Variants in TAF2 observed in about 807,000 individuals in gnomAD.
TAF2 encodes the protein TATA-box binding protein associated factor 2, also known as transcription initiation factor TFIID subunit 2.
A neutral mutation model predicts 138.5 loss-of-function variants in TAF2; 61 were observed. That is an observed-to-expected ratio of 0.44 (90% confidence interval 0.36 to 0.54). The LOEUF (loss-of-function observed/expected upper bound fraction) is 0.54, where lower values mean the gene tolerates loss of function less well. TAF2 is among the 20% of genes least tolerant of loss of function. The pLI is 0.00. For synonymous variants in TAF2, 475 were observed against 469.9 expected (o/e 1.01, Z -0.14); for missense variants, 1,090 against 1,427.9 (o/e 0.76, Z 3.81).
chr8:119,785,954 C>T (rs1043869493), intron 14 of TAF2, among the ~76,000 whole-genome samples: 1 of 152,170 alleles, frequency 6.6e-6, no homozygotes, highest in South Asian at 2.1e-4. Context: ...AAGAATCTCA[C>T]TCTGATTTAA....
chr8:119,756,769 T>C (rs1265441948), intron 21 of TAF2, among the ~76,000 whole-genome samples: 3 of 152,148 alleles, frequency 2.0e-5, no homozygotes, highest in Non-Finnish European at 4.4e-5. Flanking sequence ...TACCTGAACA[T>C]ATTATGGAGT....
Position 119,760,628 on chromosome 8 carries a change from G to C in TAF2, c.2669C>G (p.Ala890Gly). The change falls in exon 20 of 26, where the codon GCT becomes GGT. Residue 890 changes from alanine to glycine, a missense_variant. Coordinates refer to ENST00000378164, the MANE Select transcript of TAF2 (RefSeq NM_003184.4). ...AGTATAATCAACAACTGCTTCCAAA[G>C]CTGCTATCCTAATGTCCACAAAGTG... ...YGHFVDIRIA[A>G]LEAVVDYTKV... is the part of the protein sequence containing the mutation. 1 of 1,613,694 alleles carries C rather than the reference G, an allele frequency of 6.2e-7. No homozygotes were observed. The highest frequency in any genetic ancestry group is 8.5e-7 in the Non-Finnish European group (1 of 1,179,948).
chr8:119,741,548 T>C (rs1338417842), intron 25 of TAF2, among the ~76,000 whole-genome samples: 2 of 152,170 alleles, frequency 1.3e-5, no homozygotes, highest in Admixed American at 6.5e-5. Flanking sequence ...TTCCAATAAA[T>C]GCACAGAACA....
chr8:119,801,815 C>G lies in TAF2; in HGVS notation c.771G>C (p.Leu257=). The part of the protein sequence containing the change: ...ISLAIGPFEI[L]VDPYMHEVTH... ...TTACCTCATGCATGTATGGATCTAC[C>G]AGTATTTCAAATGGTCCAATGGCCA... The change falls in exon 6 of 26, where the codon CTG becomes CTC. Residue 257 remains leucine, a synonymous_variant. Coordinates refer to ENST00000378164, the MANE Select transcript of TAF2 (RefSeq NM_003184.4). 2 of 1,614,016 alleles carry G rather than the reference C, an allele frequency of 1.2e-6. No individual in the cohort carries two copies. Among genetic ancestry groups the G allele is most frequent in the South Asian group, 1.1e-5 (1 of 91,080 alleles).
chr8:119,789,485 G>A (rs1823267700), intron 12 of TAF2, 107 bp downstream of exon 12: 3 of 1,322,074 alleles, frequency 2.3e-6, no homozygotes, highest in Non-Finnish European at 3.2e-6. Flanking sequence ...AATATAAACA[G>A]TTCATACTTC....
Position 119,822,636 on chromosome 8 carries a change from A to G in TAF2, c.139-3130T>C, listed in dbSNP as rs77767104. Among the ~76,000 whole-genome samples, 501 of 152,280 alleles carry G rather than the reference A, an allele frequency of 3.3e-3. 1 individual carries two copies. Among genetic ancestry groups the G allele is most frequent in the African/African-American group, 0.011 (474 of 41,554 alleles). Reference sequence around the variant, plus strand: ...AAGTTCCTTGACCTCAGTTCCTACAATCTTCACTTCCATCCAGGAAGAATC... The same window carrying G: ...AAGTTCCTTGACCTCAGTTCCTACAGTCTTCACTTCCATCCAGGAAGAATC... On this transcript the variant is annotated intron_variant, in intron 2 of 25. Coordinates refer to ENST00000378164, the MANE Select transcript of TAF2 (RefSeq NM_003184.4).
chr8:119,751,186 C>T (rs1820324964), intron 22 of TAF2, among the ~76,000 whole-genome samples: 1 of 152,046 alleles, frequency 6.6e-6, no homozygotes, highest in South Asian at 2.1e-4. Flanking sequence ...GGCAGGATCA[C>T]ATATATTCTG....
chr8:119,778,164 G>C lies in TAF2; in HGVS notation c.2254-35C>G, dbSNP rs777476550. ...AAAAAAAAGAACTTTTAAAAGCACAGAACCTAACTTTTTGTTACTACAATT... is the reference window on the plus strand; with the variant it reads ...AAAAAAAAGAACTTTTAAAAGCACACAACCTAACTTTTTGTTACTACAATT... On this transcript the variant is annotated intron_variant, in intron 17 of 25. Transcript: ENST00000378164. 6.3e-5 allele frequency: 84 copies of C among 1,323,496 alleles called. No individual in the cohort carries two copies. In the South Asian group the frequency reaches 9.6e-4, roughly 15 times the overall value. The allele number at this position is 1,323,496 out of a possible 1,614,324, so 82.0% of individuals were successfully genotyped here. A position where few individuals can be genotyped will look rare whatever the true frequency, so the allele number is the denominator to read the frequency against.
At chr8:119,748,960 C>T (rs1192565440) in intron 22 of TAF2, among the ~76,000 whole-genome samples, 1 of 151,284 alleles carries the variant, frequency 6.6e-6, no homozygotes, top group Non-Finnish European at 1.5e-5. Context: ...GTTTAGAGTA[C>T]ATTTGCTGTT....
chr8:119,792,350 G>A (rs1823497176), intron 10 of TAF2, among the ~76,000 whole-genome samples: 1 of 151,720 alleles, frequency 6.6e-6, no homozygotes, highest in South Asian at 2.1e-4. Context: ...ATGTGGTTTT[G>A]CCATGTTGGT....
intron 1 of TAF2, 95 bp downstream of exon 1, chr8:119,832,387 T>C (rs1826516502): frequency 4.3e-6 from 5 of 1,175,122 alleles, no homozygotes; most frequent in African/African-American, 1.5e-5. Context: ...TCCCACTAGG[T>C]TTCCCAGGCC....
intron 18 of TAF2, among the ~76,000 whole-genome samples, chr8:119,769,919 G>A (rs1159868801): frequency 2.0e-5 from 3 of 151,738 alleles, no homozygotes; most frequent in South Asian, 2.1e-4. Context: ...CACCATGCCC[G>A]GCTAATTTTT....
intron 4 of TAF2, among the ~76,000 whole-genome samples, chr8:119,805,436 T>C (rs565963302): frequency 6.3e-4 from 96 of 152,310 alleles, no homozygotes; most frequent in Non-Finnish European, 1.1e-3. Context: ...CCAGGCGCAG[T>C]GGCTCACGCC....
At chr8:119,804,885 T>C (rs2131217121) in intron 4 of TAF2, among the ~76,000 whole-genome samples, 1 of 152,250 alleles carries the variant, frequency 6.6e-6, no homozygotes, top group African/African-American at 2.4e-5. Flanking sequence ...TTATGCTTGA[T>C]TTCTTCACTA....
Position 119,812,718 on chromosome 8 carries a change from GGTGTGTGT to G in TAF2, c.300-6325_300-6318del, listed in dbSNP as rs201947539. Among the ~76,000 whole-genome samples the G allele has an allele frequency of 8.2e-3, 1,175 of 143,854 alleles. 17 individuals are homozygous for G. Among genetic ancestry groups the G allele is most frequent in the African/African-American group, 0.028 (1,045 of 37,000 alleles). 94.4% of individuals were successfully genotyped at this position (143,854 alleles called of 152,430 possible). A position where few individuals can be genotyped will look rare whatever the true frequency, so the allele number is the denominator to read the frequency against. ...TTTTTATGGCTGAGTAGTATTCCAT[GGTGTGTGT>G]GTGTGTGTGTGTGTGTGTGTGTGTG... On this transcript the variant is annotated intron_variant, in intron 3 of 25. Transcript: ENST00000378164.
chr8:119,812,718 GGT>G (rs201947539), intron 3 of TAF2, among the ~76,000 whole-genome samples: 2,620 of 143,854 alleles, frequency 0.018, 30 homozygotes, highest in East Asian at 0.026. Context: ...AGTATTCCAT[GGT>G]GTGTGTGTGT....
Position 119,789,978 on chromosome 8 carries a change from G to A in TAF2, c.1414-232C>T, listed in dbSNP as rs150167464. Among the ~76,000 whole-genome samples the A allele has an allele frequency of 3.5e-3, 536 of 151,972 alleles. 4 individuals are homozygous for A. Among genetic ancestry groups the A allele is most frequent in the African/African-American group, 0.012 (505 of 41,458 alleles). On this transcript the variant is annotated intron_variant, in intron 11 of 25. Coordinates refer to ENST00000378164, the MANE Select transcript of TAF2 (RefSeq NM_003184.4). ...CATTATTGAATGTTAATGATGTACT[G>A]AATAATATTAAGAATTATAGTAAGA...
At chr8:119,747,434 C>T (rs973623158) in intron 22 of TAF2, among the ~76,000 whole-genome samples, 1 of 152,140 alleles carries the variant, frequency 6.6e-6, no homozygotes, top group Admixed American at 6.5e-5. Context: ...AATAAGCAAA[C>T]CACAAGCATG....
At chr8:119,787,231 G>A (rs747645208) in intron 14 of TAF2, among the ~76,000 whole-genome samples, 8 of 152,152 alleles carry the variant, frequency 5.3e-5, no homozygotes, top group Non-Finnish European at 1.2e-4. Flanking sequence ...GGGAGGGATA[G>A]CTTTAGGAGA....
Sources: allele counts gnomAD v4.1 joint callset (sites outside exome capture counted in the v4.1 genomes callset), GRCh38; gene constraint gnomAD v4.1.1; transcripts MANE v1.5; gene names NCBI Gene and HGNC (gene_info 2026-07-23, HGNC 2026-07-21).